GALC: variants seen among roughly 807,000 people sequenced by gnomAD.
GALC encodes the protein galactosylceramidase.
A neutral mutation model predicts 91.8 loss-of-function variants in GALC; 77 were observed. The ratio of observed to expected loss-of-function variants is 0.84; its 90% CI spans 0.70 to 1.01. The LOEUF is 1.01. Ranked by LOEUF, GALC falls within the 50% of genes least tolerant of loss-of-function variation. The pLI, the probability that GALC is intolerant of heterozygous loss-of-function variation, is 0.00. For synonymous variants in GALC, 357 were observed against 306.7 expected, an observed-to-expected ratio of 1.16 and a Z score of -1.71; for missense variants, 882 against 855.9, an observed-to-expected ratio of 1.03 and a Z score of -0.38.
chr14:87,968,751 T>C (rs1169307645), intron 7 of GALC, among the ~76,000 whole-genome samples: 5 of 152,036 alleles, frequency 3.3e-5, no homozygotes, highest in African/African-American at 4.8e-5. Context: ...AAATCATCAA[T>C]AGATAAGAAA....
intron 14 of GALC, among the ~76,000 whole-genome samples, chr14:87,944,188 C>T (rs431532): frequency 0.96 from 145,424 of 151,912 alleles, 69,900 homozygotes; most frequent in Non-Finnish European, 1. Flanking sequence ...ATATGAAGAT[C>T]TGGGGGAGTA....
chr14:87,945,806 T>A, intron 13 of GALC, 73 bp from the exon 14 acceptor site: 1 of 1,167,906 alleles, frequency 8.6e-7, no homozygotes, highest in Non-Finnish European at 1.3e-6. Context: ...TATTTTATAG[T>A]ATGTCTGAAA....
intron 4 of GALC, among the ~76,000 whole-genome samples, chr14:87,986,147 A>G (rs1886960033): frequency 6.6e-6 from 1 of 152,210 alleles, no homozygotes; most frequent in Non-Finnish European, 1.5e-5. Context: ...AAAGTAGTTT[A>G]GCATCATAGG....
At chr14:87,941,777 T>C (rs555916290) in intron 14 of GALC, among the ~76,000 whole-genome samples, 2 of 152,124 alleles carry the variant, frequency 1.3e-5, no homozygotes, top group African/African-American at 4.8e-5. Context: ...CTTTAAATGA[T>C]TACTGGACAA....
At position 87,947,882 on chromosome 14, in the gene GALC, A is replaced by C; in HGVS notation, c.1339-4T>G. On this transcript the variant is annotated splice_region_variant and splice_polypyrimidine_tract_variant and intron_variant, in intron 12 of 16. Coordinates refer to ENST00000261304, the MANE Select transcript of GALC (RefSeq NM_000153.4). ...AACTGCCATCGCTGTCAAGGAGCTG[A>C]AAAAGAAGACACTACTGTATTCAGG... 2.5e-6 allele frequency: 4 copies of C among 1,611,378 alleles called. No individual in the cohort carries two copies. The highest frequency in any genetic ancestry group is 3.4e-6 in the Non-Finnish European group (4 of 1,178,114).
At chr14:87,992,941 C>A in intron 1 of GALC, 29 bp downstream of exon 1, 1 of 1,501,786 alleles carries the variant, frequency 6.7e-7, no homozygotes, top group Non-Finnish European at 8.8e-7. Flanking sequence ...CTTGCCGCCC[C>A]CCGCGTATCC....
chr14:87,953,533 G>A (rs1235689237), intron 10 of GALC: 1 of 1,609,056 alleles, frequency 6.2e-7, no homozygotes, highest in East Asian at 2.2e-5. Context: ...TTCTGAAGAT[G>A]AACTGCCACC....
chr14:87,982,117 C>T, intron 6 of GALC, 88 bp downstream of exon 6: 1 of 724,470 alleles, frequency 1.4e-6, no homozygotes, highest in East Asian at 2.7e-5. Context: ...ATTTCCAACA[C>T]AAATTTCCTA....
intron 7 of GALC, 45 bp from the exon 8 acceptor site, chr14:87,968,535 T>C (rs1156730662): frequency 6.3e-7 from 1 of 1,579,624 alleles, no homozygotes; most frequent in Non-Finnish European, 8.7e-7. Flanking sequence ...GGTCACGACG[T>C]GGCACTTATA....
chr14:87,985,406 C>T (rs966788469), intron 4 of GALC, among the ~76,000 whole-genome samples: 3 of 152,100 alleles, frequency 2.0e-5, no homozygotes, highest in African/African-American at 7.2e-5. Flanking sequence ...CAATGAAATG[C>T]TAAATGCAAT....
At chr14:87,982,129 T>G (rs1886774585) in intron 6 of GALC, 76 bp downstream of exon 6, 1 of 771,716 alleles carries the variant, frequency 1.3e-6, no homozygotes, top group African/African-American at 1.8e-5. Flanking sequence ...AATTTCCTAC[T>G]ATTTTCTGTG....
intron 7 of GALC, 87 bp from the exon 8 acceptor site, chr14:87,968,577 C>A: frequency 7.9e-7 from 1 of 1,272,210 alleles, no homozygotes; most frequent in Non-Finnish European, 1.1e-6. Flanking sequence ...TATAAAAATA[C>A]GAGTCTTCTC....
At chr14:87,956,574 T>TACACACACACCATATATATACACAC (rs1566982140) in intron 10 of GALC, among the ~76,000 whole-genome samples, 18 of 138,320 alleles carry the variant, frequency 1.3e-4, no homozygotes, top group African/African-American at 4.7e-4. Context: ...TATATATATA[T>TACACACACACCATATATATACACAC]ACACACACAC....
chr14:87,950,949 A>C (rs1251258539), intron 10 of GALC, among the ~76,000 whole-genome samples: 1 of 151,832 alleles, frequency 6.6e-6, no homozygotes, highest in Admixed American at 6.6e-5. Context: ...TCAAATACAA[A>C]GGTCAATGGC....
At chr14:87,962,233 A>T (rs1262636818) in intron 10 of GALC, among the ~76,000 whole-genome samples, 1 of 152,118 alleles carries the variant, frequency 6.6e-6, no homozygotes, top group Non-Finnish European at 1.5e-5. Context: ...TAGGGAGGTT[A>T]TCTGGGTCTT....
intron 4 of GALC, 71 bp from the exon 5 acceptor site, chr14:87,984,604 AT>A (rs971296662): frequency 1.2e-5 from 19 of 1,540,060 alleles, no homozygotes; most frequent in African/African-American, 2.7e-5. Context: ...AATAAAACAA[AT>A]TTTTTTTAAG....
chr14:87,972,865 T>C (rs1886352679), intron 7 of GALC, among the ~76,000 whole-genome samples: 1 of 152,088 alleles, frequency 6.6e-6, no homozygotes, highest in Non-Finnish European at 1.5e-5. Context: ...TGGAGTGGAA[T>C]AATGATTTAA....
chr14:87,975,262 C>T (rs959008150), intron 7 of GALC, among the ~76,000 whole-genome samples: 2 of 151,850 alleles, frequency 1.3e-5, no homozygotes, highest in Non-Finnish European at 2.9e-5. Flanking sequence ...CAAACAACCC[C>T]GTTCTTCAAC....
rs533215145 is a variant in GALC at position 87,958,608 on chromosome 14, G to C, written c.1161+4776C>G. Among the ~76,000 whole-genome samples the C allele has an allele frequency of 6.4e-4, 97 of 152,272 alleles. 1 individual carries two copies. The highest frequency in any genetic ancestry group is 2.2e-3 in the African/African-American group (93 of 41,560). On this transcript the variant is annotated intron_variant, in intron 10 of 16. Transcript: ENST00000261304. ...CTTCAACATATACTAAAAGGCTATAGTAACGATTAATAAAACAGCATGGTT... is the reference window on the plus strand; with the variant it reads ...CTTCAACATATACTAAAAGGCTATACTAACGATTAATAAAACAGCATGGTT...
Sources: gnomAD v4.1 joint callset for allele counts (sites outside exome capture counted in the v4.1 genomes callset) on GRCh38, gnomAD v4.1.1 for gene constraint, MANE v1.5 for transcripts, NCBI Gene and HGNC (gene_info 2026-07-23, HGNC 2026-07-21) for gene names.